The following MAP7 variants were observed in gnomAD, a reference collection of about 807,000 sequenced individuals.
The protein encoded by MAP7 is ensconsin.
Under a neutral mutation model 94.8 loss-of-function variants are expected in MAP7, and 52 were observed. The observed-to-expected ratio is 0.55, with a 90% CI of 0.44 to 0.69. The LOEUF is 0.69. Among genes scored for constraint, MAP7 ranks in the 30% least tolerant of loss-of-function variants. The pLI is 0.00. For synonymous variants in MAP7, 350 were observed against 357.0 expected, an observed-to-expected ratio of 0.98 and a Z score of 0.22; for missense variants, 940 against 964.6, an observed-to-expected ratio of 0.97 and a Z score of 0.34.
At chr6:136,351,236 TAA>T (rs534706295) in intron 16 of MAP7, among the ~76,000 whole-genome samples, 2,017 of 120,136 alleles carry the variant, frequency 0.017, 20 homozygotes, top group East Asian at 0.047. Context: ...GTTTTGATGG[TAA>T]AAAAAAAAAA....
chr6:136,547,081 G>C (rs758047956), intron 1 of MAP7, among the ~76,000 whole-genome samples: 1 of 152,172 alleles, frequency 6.6e-6, no homozygotes, highest in Non-Finnish European at 1.5e-5. Context: ...TGACGTCTGA[G>C]CCCTTATTTA....
intron 16 of MAP7, among the ~76,000 whole-genome samples, chr6:136,347,377 T>G (rs1787985116): frequency 6.6e-6 from 1 of 151,830 alleles, no homozygotes. Flanking sequence ...ACACTTTGCT[T>G]TTTTTTTGCC....
chr6:136,380,886 T>C (rs1466876501), intron 6 of MAP7, among the ~76,000 whole-genome samples: 1 of 152,182 alleles, frequency 6.6e-6, no homozygotes, highest in African/African-American at 2.4e-5. Flanking sequence ...GATATGGAAA[T>C]ATTTCAGTAT....
intron 16 of MAP7, 75 bp downstream of exon 16, chr6:136,356,617 G>T: frequency 8.5e-7 from 1 of 1,181,852 alleles, no homozygotes; most frequent in Non-Finnish European, 1.2e-6. Context: ...CTAATGTTAA[G>T]ACTTTGAAAT....
At chr6:136,483,807 G>A (rs542765587) in intron 1 of MAP7, among the ~76,000 whole-genome samples, 1 of 152,256 alleles carries the variant, frequency 6.6e-6, no homozygotes, top group African/African-American at 2.4e-5. Context: ...AACTTCAGAG[G>A]AAATAGGAAA....
chr6:136,455,063 A>G (rs1466981522), intron 1 of MAP7, among the ~76,000 whole-genome samples: 3 of 151,784 alleles, frequency 2.0e-5, no homozygotes, highest in Non-Finnish European at 4.4e-5. Flanking sequence ...AACTACCTTC[A>G]CCTATAGTTG....
chr6:136,438,595 C>T (rs1797004564), intron 1 of MAP7, among the ~76,000 whole-genome samples: 2 of 152,084 alleles, frequency 1.3e-5, no homozygotes, highest in African/African-American at 4.8e-5. Context: ...GGAGAACTTC[C>T]CTCACTGCTT....
rs1396209578 is a variant in MAP7, at chr6:136,414,198, A to C, written c.167-2501T>G. ...AACCCGGGAGGCGGAGCTTGCAGTG[A>C]GCCGAGATCGCGCCACTGCACTCCA... is the stretch of plus-strand genomic sequence containing the variant. On this transcript the variant is annotated intron_variant, in intron 2 of 17. Transcript: ENST00000354570. Among the ~76,000 whole-genome samples, 188 of 129,104 alleles carry C rather than the reference A, an allele frequency of 1.5e-3. 1 individual carries two copies. Among genetic ancestry groups the C allele is most frequent in the Admixed American group, 2.3e-3 (25 of 10,734 alleles). 84.7% of individuals were successfully genotyped at this position (129,104 alleles called of 152,430 possible).
At chr6:136,421,510 G>A (rs557618284) in intron 2 of MAP7, among the ~76,000 whole-genome samples, 191 bp downstream of exon 2, 30 of 152,324 alleles carry the variant, frequency 2.0e-4, no homozygotes, top group African/African-American at 6.0e-4. Context: ...GGCTTTGAGA[G>A]GTTCTCTGAC....
chr6:136,432,028 C>G (rs1414769183), intron 1 of MAP7, among the ~76,000 whole-genome samples: 1 of 152,092 alleles, frequency 6.6e-6, no homozygotes, highest in Non-Finnish European at 1.5e-5. Flanking sequence ...TATCTGGAAA[C>G]CAGGAGGCTA....
intron 1 of MAP7, among the ~76,000 whole-genome samples, chr6:136,487,410 T>G (rs1486937426): frequency 6.6e-6 from 1 of 152,208 alleles, no homozygotes; most frequent in Non-Finnish European, 1.5e-5. Flanking sequence ...TTAAATTTTT[T>G]TACTTTCTAA....
At chr6:136,523,678 T>C (rs1253861364) in intron 1 of MAP7, among the ~76,000 whole-genome samples, 1 of 152,148 alleles carries the variant, frequency 6.6e-6, no homozygotes, top group Non-Finnish European at 1.5e-5. Context: ...GACATCCTTA[T>C]CAGCACAGGA....
rs980666484 is a variant in MAP7, at chr6:136,360,987, G to A, written c.1701+18C>T. The A allele has an allele frequency of 5.8e-6, 9 of 1,559,344 alleles. No homozygotes were observed. In the African/African-American group the frequency reaches 1.2e-4, roughly 21 times the overall value. ...CCTGCGGGACTGGGGCCGGGGCCAG[G>A]GTGGGGTGCGGCCGCACCTGCCTCT... On this transcript the variant is annotated intron_variant, in intron 12 of 17. Transcript: ENST00000354570.
rs564444144 is a variant in MAP7 at position 136,366,248 on chromosome 6, G to A, written c.989+79C>T. The stretch of plus-strand genomic sequence containing the variant: ...AAGTCAAAGCCAAACAGCATGAGAA[G>A]AACAGTTCACTTTCAGAGGAGAGAG... On this transcript the variant is annotated intron_variant, in intron 9 of 17. Transcript: ENST00000354570. 5 of 1,225,834 alleles carry A rather than the reference G, an allele frequency of 4.1e-6. No homozygotes were observed. In the East Asian group the frequency reaches 9.3e-5, roughly 23 times the overall value. The allele number at this position is 1,225,834 out of a possible 1,614,324, so 75.9% of individuals were successfully genotyped here.
At chr6:136,353,424 G>A (rs2128536705) in intron 16 of MAP7, among the ~76,000 whole-genome samples, 1 of 152,318 alleles carries the variant, frequency 6.6e-6, no homozygotes, top group African/African-American at 2.4e-5. Flanking sequence ...CAAACAGAGA[G>A]AAGCAGTGAG....
At chr6:136,348,028 A>C in intron 16 of MAP7, among the ~76,000 whole-genome samples, 1 of 128,396 alleles carries the variant, frequency 7.8e-6, no homozygotes, top group South Asian at 3.0e-4. Context: ...CCCCCAAGTC[A>C]CGTGTGCACA....
intron 1 of MAP7, among the ~76,000 whole-genome samples, chr6:136,441,482 C>A (rs1797851630): frequency 6.6e-6 from 1 of 152,170 alleles, no homozygotes; most frequent in Non-Finnish European, 1.5e-5. Flanking sequence ...CTTAGTATGT[C>A]TAATGATTGT....
At chr6:136,481,200 G>C (rs1388676329) in intron 1 of MAP7, among the ~76,000 whole-genome samples, 3 of 152,108 alleles carry the variant, frequency 2.0e-5, no homozygotes. Flanking sequence ...CTACTATGGA[G>C]AACAGTATGA....
chr6:136,374,836 T>C (rs1402920305), intron 7 of MAP7, among the ~76,000 whole-genome samples: 1 of 152,192 alleles, frequency 6.6e-6, no homozygotes, highest in Non-Finnish European at 1.5e-5. Flanking sequence ...ATGGAATTCA[T>C]TGCTGCACTG....
Sources: allele counts gnomAD v4.1 joint callset (sites outside exome capture counted in the v4.1 genomes callset), GRCh38; gene constraint gnomAD v4.1.1; transcripts MANE v1.5; gene names NCBI Gene and HGNC (gene_info 2026-07-23, HGNC 2026-07-21).